The following HEATR4 variants were observed in gnomAD, a reference collection of about 807,000 sequenced individuals.
The protein encoded by HEATR4 is HEAT repeat containing 4, also known as HEAT repeat-containing protein 4.
A neutral mutation model predicts 108.8 loss-of-function variants in HEATR4; 95 were observed. That is an observed-to-expected ratio of 0.87 (90% CI 0.74 to 1.04). The LOEUF is 1.04. Ranked by LOEUF, HEATR4 falls within the 50% of genes least tolerant of loss-of-function variation. The pLI is 0.00. For missense variants in HEATR4, 1,152 were observed against 1,253.8 expected (o/e 0.92, Z 1.23); for synonymous variants, 443 against 459.4 (o/e 0.96, Z 0.46).
chr14:73,521,631 C>T (rs1444449211), intron 3 of HEATR4, among the ~76,000 whole-genome samples: 1 of 152,198 alleles, frequency 6.6e-6, no homozygotes, highest in African/African-American at 2.4e-5. Flanking sequence ...GTAATAGCTC[C>T]AGTCTTCCCT....
At chr14:73,528,559 C>T (rs1024239416) in intron 2 of HEATR4, among the ~76,000 whole-genome samples, 16 of 152,166 alleles carry the variant, frequency 1.1e-4, no homozygotes, top group Non-Finnish European at 1.0e-4. Context: ...TCTTTGTCTG[C>T]CTTGGAGTCA....
intron 1 of HEATR4, among the ~76,000 whole-genome samples, chr14:73,548,650 A>G (rs1889272460): frequency 8.6e-6 from 1 of 115,800 alleles, no homozygotes; most frequent in Non-Finnish European, 1.9e-5. Context: ...GTGTATTTCA[A>G]GATGAAAGGA....
the HEATR4 span, among the ~76,000 whole-genome samples, chr14:73,576,495 A>C: frequency 6.6e-6 from 1 of 151,982 alleles, no homozygotes; most frequent in Admixed American, 6.6e-5. Context: ...TAACAATGAC[A>C]AATGTGAAGT....
At chr14:73,597,154 G>A in the HEATR4 span, among the ~76,000 whole-genome samples, 1 of 152,036 alleles carries the variant, frequency 6.6e-6, no homozygotes, top group Non-Finnish European at 1.5e-5. Flanking sequence ...CGCAATCTCA[G>A]CTCACTGCAA....
rs758764276 is a variant in HEATR4, at chr14:73,522,269, T to C, written c.881+3A>G. On this transcript the variant is annotated splice_donor_region_variant and intron_variant, in intron 3 of 17. Transcript: ENST00000553558. Reference sequence around the variant, plus strand: ...GGTGCACTTGAGGCCCTGGCCAGTATACCTGTAGTAAACGGGAAGCAGCAG... The same window carrying C: ...GGTGCACTTGAGGCCCTGGCCAGTACACCTGTAGTAAACGGGAAGCAGCAG... 3 of 1,613,240 alleles carry C rather than the reference T, an allele frequency of 1.9e-6. No individual in the cohort carries two copies. The highest frequency in any genetic ancestry group is 2.5e-6 in the Non-Finnish European group (3 of 1,179,512).
At chr14:73,623,268 C>T in the HEATR4 span, among the ~76,000 whole-genome samples, 32 of 152,288 alleles carry the variant, frequency 2.1e-4, no homozygotes, top group African/African-American at 7.5e-4. Flanking sequence ...TTACAACTTT[C>T]ATAAAATAAA....
intron 1 of HEATR4, among the ~76,000 whole-genome samples, chr14:73,557,578 T>TA (rs1427574088): frequency 1.3e-5 from 1 of 76,612 alleles, no homozygotes; most frequent in East Asian, 8.0e-4. Context: ...CTGAAAGCTT[T>TA]AAAAAAATAA....
At chr14:73,606,384 CAAA>C in the HEATR4 span, among the ~76,000 whole-genome samples, 13 of 143,408 alleles carry the variant, frequency 9.1e-5, no homozygotes, top group African/African-American at 1.1e-4. Context: ...CAAAACAAAA[CAAA>C]AAAAAAAAAA....
chr14:73,529,756 C>G (rs1344393607), intron 2 of HEATR4, among the ~76,000 whole-genome samples: 1 of 152,108 alleles, frequency 6.6e-6, no homozygotes, highest in Non-Finnish European at 1.5e-5. Context: ...GGAGTAATAT[C>G]TTGCATTCTC....
the HEATR4 span, among the ~76,000 whole-genome samples, chr14:73,564,026 C>T: frequency 2.0e-5 from 3 of 151,386 alleles, no homozygotes; most frequent in Non-Finnish European, 4.4e-5. Context: ...TAAGGCCAGA[C>T]ACGGTGACTC....
At position 73,520,671 on chromosome 14, in the gene HEATR4, A is replaced by G. The variant is rs375713342; in HGVS notation, c.1069+181T>C. On this transcript the variant is annotated intron_variant, in intron 4 of 17. Coordinates refer to ENST00000553558, the MANE Select transcript of HEATR4 (RefSeq NM_001220484.1). ...GGGGAGAGAGAGCAGTTCCCTCCCT[A>G]TTAGTTATCACTCCCCGACCCAACT... 6.4e-5 allele frequency: 37 copies of G among 579,746 alleles called. No homozygotes were observed. In the South Asian group the frequency reaches 6.8e-4, roughly 11 times the overall value. 35.9% of individuals were successfully genotyped at this position (579,746 alleles called of 1,614,324 possible).
the HEATR4 span, among the ~76,000 whole-genome samples, chr14:73,585,281 C>T: frequency 6.6e-6 from 1 of 152,150 alleles, no homozygotes; most frequent in Non-Finnish European, 1.5e-5. Context: ...AGGTCAGCAC[C>T]AGGGCTGGTG....
At chr14:73,592,043 G>T in the HEATR4 span, 1 of 1,461,538 alleles carries the variant, frequency 6.8e-7, no homozygotes, top group Non-Finnish European at 9.0e-7. Context: ...GCCTGGCCCC[G>T]GAGCAGCGGG....
chr14:73,593,838 T>C, the HEATR4 span: 1 of 1,614,114 alleles, frequency 6.2e-7, no homozygotes. Flanking sequence ...ATCTCCCCAA[T>C]AACATGGACA....
At chr14:73,576,026 A>T in the HEATR4 span, among the ~76,000 whole-genome samples, 4 of 152,020 alleles carry the variant, frequency 2.6e-5, no homozygotes, top group East Asian at 7.7e-4. Flanking sequence ...GGTGGCAGGC[A>T]CCTGTAGTCA....
chr14:73,593,550 C>T, the HEATR4 span: 7 of 619,736 alleles, frequency 1.1e-5, no homozygotes, highest in Admixed American at 2.1e-4. Flanking sequence ...ACTACATTGT[C>T]CAGGCTGGTC....
At chr14:73,587,974 C>T in the HEATR4 span, among the ~76,000 whole-genome samples, 1 of 152,024 alleles carries the variant, frequency 6.6e-6, no homozygotes, top group Admixed American at 6.6e-5. Context: ...ATAATCATAA[C>T]TCCTATTAGA....
chr14:73,574,506 A>C, the HEATR4 span: 21 of 348,528 alleles, frequency 6.0e-5, no homozygotes, highest in Non-Finnish European at 1.0e-4. Context: ...CAAATGATCC[A>C]CCCGCCTCAG....
At chr14:73,507,245 A>G (rs930541150) in intron 9 of HEATR4, among the ~76,000 whole-genome samples, 1 of 152,196 alleles carries the variant, frequency 6.6e-6, no homozygotes, top group African/African-American at 2.4e-5. Flanking sequence ...AGCAAATTCT[A>G]CATGTCAGAA....
Sources: gnomAD v4.1 joint callset for allele counts (sites outside exome capture counted in the v4.1 genomes callset) on GRCh38, gnomAD v4.1.1 for gene constraint, MANE v1.5 for transcripts, NCBI Gene and HGNC (gene_info 2026-07-23, HGNC 2026-07-21) for gene names.